Variants in ELFN1 observed in about 807,000 individuals in gnomAD.
ELFN1 encodes extracellular leucine rich repeat and fibronectin type III domain containing 1.
Under a neutral mutation model 7.6 loss-of-function variants are expected in ELFN1, and 6 were observed. The observed-to-expected ratio is 0.79, with a 90% CI of 0.43 to 1.56. The LOEUF (loss-of-function observed/expected upper bound fraction) is 1.56. ELFN1 is among the 40% of genes most tolerant of loss of function. The pLI is 0.01. For synonymous variants in ELFN1, 657 were observed against 588.1 expected (o/e 1.12, Z -1.70); for missense variants, 1,169 against 1,232.2 (o/e 0.95, Z 0.77).
intron 1 of ELFN1, among the ~76,000 whole-genome samples, chr7:1,685,959 T>A (rs1198633916): frequency 6.8e-6 from 1 of 147,794 alleles, no homozygotes; most frequent in Non-Finnish European, 1.5e-5. Context: ...ATAGTTATAT[T>A]ATACAAATAT....
intron 3 of ELFN1, among the ~76,000 whole-genome samples, chr7:1,737,569 G>A (rs540962566): frequency 5.6e-4 from 85 of 152,308 alleles, no homozygotes; most frequent in African/African-American, 1.8e-3. Context: ...TTCAGACTCC[G>A]TCCTTTTGAG....
chr7:1,701,350 T>C (rs758577639), intron 2 of ELFN1, among the ~76,000 whole-genome samples: 4 of 152,230 alleles, frequency 2.6e-5, no homozygotes, highest in Non-Finnish European at 5.9e-5. Flanking sequence ...CATGCCTGGC[T>C]AATTTTTTAC....
chr7:1,693,619 T>A (rs1779227562), intron 2 of ELFN1: 1 of 471,080 alleles, frequency 2.1e-6, no homozygotes, highest in Non-Finnish European at 4.4e-6. Flanking sequence ...TGTGAACACC[T>A]CCGGCGGTGC....
chr7:1,679,715 C>T (rs1342322409), intron 1 of ELFN1, among the ~76,000 whole-genome samples: 1 of 152,188 alleles, frequency 6.6e-6, no homozygotes, highest in African/African-American at 2.4e-5. Context: ...GTTGGCACAG[C>T]CTGGATGCCA....
upstream of ELFN1, among the ~76,000 whole-genome samples, chr7:1,666,954 C>T (rs867016147): frequency 8.6e-5 from 13 of 151,874 alleles, no homozygotes; most frequent in Admixed American, 1.3e-4. The surrounding 1 kb of genome is among the most constrained non-coding windows in gnomAD (Gnocchi z 7.9). Flanking sequence ...TGACCCTAGC[C>T]TCTCCCGGTC....
At chr7:1,693,755 G>A (rs573175170) in intron 2 of ELFN1, 20 of 471,014 alleles carry the variant, frequency 4.2e-5, no homozygotes, top group East Asian at 3.5e-4. Flanking sequence ...CAGAGCAGGT[G>A]TCTGGGAGAC....
At chr7:1,687,633 A>G (rs977405165) in intron 1 of ELFN1, among the ~76,000 whole-genome samples, 2 of 152,208 alleles carry the variant, frequency 1.3e-5, no homozygotes, top group Non-Finnish European at 2.9e-5. Context: ...AAGGGGTAAG[A>G]TCAACTGGAT....
At chr7:1,725,941 TACAC>T (rs772971199) in intron 3 of ELFN1, among the ~76,000 whole-genome samples, 18 of 145,480 alleles carry the variant, frequency 1.2e-4, no homozygotes, top group Admixed American at 8.0e-4. Context: ...CACTCACAAA[TACAC>T]ACGCACAAAA....
intron 3 of ELFN1, among the ~76,000 whole-genome samples, chr7:1,734,214 T>G (rs1053434847): frequency 6.6e-6 from 1 of 152,076 alleles, no homozygotes; most frequent in Non-Finnish European, 1.5e-5. Context: ...GTGATGCGCT[T>G]TCTGACGGTG....
In ELFN1 at chr7:1,746,188, G is replaced by T; in HGVS notation, c.1592G>T (p.Gly531Val). 1 of 1,550,830 alleles carries T rather than the reference G, an allele frequency of 6.4e-7. No individual in the cohort carries two copies. The highest frequency in any genetic ancestry group is 8.7e-7 in the Non-Finnish European group (1 of 1,147,760). ...SKGSYMEVRT[G>V]DPPERRDCEL... Reference sequence around the variant, plus strand: ...GGCAGCTACATGGAGGTTCGAACCGGGGACCCTCCGGAACGCAGGGACTGT... The same window carrying T: ...GGCAGCTACATGGAGGTTCGAACCGTGGACCCTCCGGAACGCAGGGACTGT... The change falls in exon 4 of 4, where the codon GGG becomes GTG. Residue 531 changes from glycine (G) to valine (V), a missense_variant. Gly to Val is a moderately radical substitution (Grantham distance 109). Coordinates refer to ENST00000424383, the MANE Select transcript of ELFN1 (RefSeq NM_001128636.4).
chr7:1,719,209 C>T (rs1583362528), intron 3 of ELFN1, among the ~76,000 whole-genome samples: 1 of 144,854 alleles, frequency 6.9e-6, no homozygotes, highest in South Asian at 2.3e-4. Flanking sequence ...ACCAACAGGG[C>T]CCCGCCCACC....
chr7:1,671,303 T>C (rs1778762105), intron 1 of ELFN1, among the ~76,000 whole-genome samples: 1 of 152,100 alleles, frequency 6.6e-6, no homozygotes, highest in Non-Finnish European at 1.5e-5. Context: ...AGGATGATCA[T>C]GCCTTCTGAA....
At chr7:1,700,725 C>T (rs1166165643) in intron 2 of ELFN1, among the ~76,000 whole-genome samples, 4 of 152,218 alleles carry the variant, frequency 2.6e-5, no homozygotes, top group Admixed American at 6.5e-5. Context: ...CTCAGGACAG[C>T]GGACGAGAGT....
chr7:1,691,711 C>T (rs1428807002), intron 2 of ELFN1, among the ~76,000 whole-genome samples: 4 of 152,106 alleles, frequency 2.6e-5, no homozygotes, highest in East Asian at 1.9e-4. Context: ...GAGCCGAGGG[C>T]GTCGTGGAGA....
At chr7:1,691,710 G>C (rs573195574) in intron 2 of ELFN1, among the ~76,000 whole-genome samples, 65 of 152,300 alleles carry the variant, frequency 4.3e-4, no homozygotes, top group African/African-American at 1.3e-3. Context: ...AGAGCCGAGG[G>C]CGTCGTGGAG....
At chr7:1,686,661 G>A (rs965410566) in intron 1 of ELFN1, among the ~76,000 whole-genome samples, 5 of 151,998 alleles carry the variant, frequency 3.3e-5, no homozygotes, top group Non-Finnish European at 7.4e-5. Context: ...TCCAAAGATC[G>A]GGTAGTTTTC....
At chr7:1,724,892 G>C (rs1483791821) in intron 3 of ELFN1, among the ~76,000 whole-genome samples, 2 of 152,076 alleles carry the variant, frequency 1.3e-5, no homozygotes, top group African/African-American at 4.8e-5. Context: ...CAACTTCTGA[G>C]GGCATCATCA....
intron 3 of ELFN1, among the ~76,000 whole-genome samples, chr7:1,727,111 C>A (rs1047412827): frequency 6.6e-6 from 1 of 152,126 alleles, no homozygotes; most frequent in African/African-American, 2.4e-5. Flanking sequence ...CAACCCTGTT[C>A]CGTCCATCTT....
At chr7:1,689,113 T>G (rs1779110096) in intron 2 of ELFN1, among the ~76,000 whole-genome samples, 1 of 152,214 alleles carries the variant, frequency 6.6e-6, no homozygotes, top group African/African-American at 2.4e-5. Context: ...CATTTTGGGA[T>G]TACATTTGTT....
Sources: gnomAD v4.1 joint callset for allele counts (sites outside exome capture counted in the v4.1 genomes callset) on GRCh38, gnomAD v4.1.1 for gene constraint, Gnocchi (gnomAD v3.1) non-coding constraint, MANE v1.5 for transcripts, NCBI Gene and HGNC (gene_info 2026-07-23, HGNC 2026-07-21) for gene names.